CDKL5: variants seen among roughly 807,000 people sequenced by gnomAD.
CDKL5 encodes the protein cyclin-dependent kinase-like 5.
Under a neutral mutation model 61.7 loss-of-function variants are expected in CDKL5, and 8 were observed. The observed-to-expected ratio is 0.13, with a 90% CI of 0.08 to 0.23. The LOEUF (loss-of-function observed/expected upper bound fraction) is 0.23. CDKL5 is among the 10% of genes least tolerant of loss of function. CDKL5 has a pLI of 1.00. For missense variants in CDKL5, 440 were observed against 734.5 expected (o/e 0.60, Z 4.63); for synonymous variants, 275 against 272.3 (o/e 1.01, Z -0.10).
intron 1 of CDKL5, among the ~76,000 whole-genome samples, chrX:18,471,353 T>C (rs1186133771): frequency 1.8e-5 from 2 of 111,474 alleles, no homozygotes; most frequent in Non-Finnish European, 3.8e-5. Context: ...ACTCTTTTAG[T>C]TATTTTTAAT....
At position 18,587,955 on chromosome X, in the gene CDKL5, G is replaced by T; in HGVS notation, c.556G>T (p.Ala186Ser). 8.3e-7 allele frequency: 1 copy of T among 1,206,527 alleles called. No homozygotes were observed. Among genetic ancestry groups the T allele is most frequent in the Non-Finnish European group, 1.1e-6 (1 of 891,326 alleles). ...ATAATCTCTTCCTTTATTTTTCAGC[G>T]CTCCCTATGGAAAGTCCGTGGACAT... ...WYRSPELLLG[A>S]PYGKSVDMWS... The change falls in exon 9 of 18, where the codon GCT (alanine) becomes TCT (serine). Residue 186 changes from alanine (A) to serine (S), a missense_variant and splice_region_variant. Physicochemically the swap from Ala to Ser is moderately conservative, Grantham distance 99 (BLOSUM62 1). Transcript: ENST00000623535.
chrX:18,481,886 A>G (rs1921594148), intron 1 of CDKL5, among the ~76,000 whole-genome samples: 1 of 110,519 alleles, frequency 9.0e-6, no homozygotes, highest in South Asian at 3.8e-4. Context: ...TGCAACATGA[A>G]ACAGAGGCTG....
intron 8 of CDKL5, among the ~76,000 whole-genome samples, chrX:18,586,450 CTTA>C (rs1375811333): frequency 6.3e-5 from 7 of 111,537 alleles, no homozygotes; most frequent in African/African-American, 2.3e-4. Context: ...TGAGGACAGC[CTTA>C]TTGTGAATCT....
At chrX:18,557,104 G>A (rs1160625259) in intron 3 of CDKL5, among the ~76,000 whole-genome samples, 3 of 110,946 alleles carry the variant, frequency 2.7e-5, no homozygotes, top group South Asian at 3.8e-4. Context: ...TTTCTCCCAA[G>A]AAAGCACTTC....
At chrX:18,558,143 A>T (rs1011801611) in intron 3 of CDKL5, among the ~76,000 whole-genome samples, 5 of 111,395 alleles carry the variant, frequency 4.5e-5, no homozygotes, top group African/African-American at 1.6e-4. Flanking sequence ...ATTTTAAGGT[A>T]GAATTAAGGG....
Position 18,584,290 on chromosome X carries a change from A to G in CDKL5, c.491A>G (p.Asn164Ser). ...FGFARNLSEG[N>S]NANYTEYVAT... ...TTTGCTCGTAATCTGTCAGAAGGCA[A>G]TAATGCTAATTACACAGAGTACGTT... Residue 164 changes from asparagine to serine, a missense_variant, in exon 8 of 18, where the codon AAT becomes AGT. This residue lies in a region of CDKL5 where 77 missense variants were observed against 218.2 expected (regional missense o/e 0.35). Transcript: ENST00000623535. 8.3e-7 allele frequency: 1 copy of G among 1,205,471 alleles called. No homozygotes were observed.
At chrX:18,465,785 G>T (rs1247479785) in intron 1 of CDKL5, among the ~76,000 whole-genome samples, 1 of 112,218 alleles carries the variant, frequency 8.9e-6, no homozygotes. Flanking sequence ...CATCTTTACA[G>T]TGTTAAATTT....
chrX:18,467,511 A>T (rs1053591340), intron 1 of CDKL5, among the ~76,000 whole-genome samples: 1 of 111,712 alleles, frequency 9.0e-6, no homozygotes, highest in Non-Finnish European at 1.9e-5. Flanking sequence ...CTTTTCAAAC[A>T]TGGTGCTGTC....
At position 18,489,013 on chromosome X, in the gene CDKL5, G is replaced by A. The variant is rs1022231352; in HGVS notation, c.-162-17922G>A. On this transcript the variant is annotated intron_variant, in intron 1 of 17. Transcript: ENST00000623535. ...ATTTCTCTATTTTGAAATGGCCCTG[G>A]CAAAGCTGTCTCTCATGGGGAAAAA... Among the ~76,000 whole-genome samples the A allele has an allele frequency of 6.3e-5, 7 of 111,586 alleles. No individual in the cohort carries two copies. In the East Asian group the frequency reaches 2.0e-3, roughly 31 times the overall value.
intron 1 of CDKL5, among the ~76,000 whole-genome samples, chrX:18,481,316 C>G (rs1342007428): frequency 1.1e-5 from 1 of 93,560 alleles, no homozygotes; most frequent in Non-Finnish European, 2.1e-5. Context: ...ACCAAAGAGT[C>G]CTGGTTTCTT....
chrX:18,507,446 CT>C (rs200439467), intron 2 of CDKL5, among the ~76,000 whole-genome samples: 92 of 72,339 alleles, frequency 1.3e-3, no homozygotes, highest in Middle Eastern at 8.2e-3. Flanking sequence ...TGCCTTCATT[CT>C]TTTTTTTTTT....
chrX:18,613,818 AG>A (rs776544304), intron 15 of CDKL5, among the ~76,000 whole-genome samples: 2 of 112,087 alleles, frequency 1.8e-5, no homozygotes, highest in South Asian at 7.5e-4. Flanking sequence ...AAAAAGAAAT[AG>A]GGGAACAGTC....
chrX:18,430,692 G>A (rs1000841286), intron 1 of CDKL5, among the ~76,000 whole-genome samples: 2 of 110,017 alleles, frequency 1.8e-5, no homozygotes, highest in East Asian at 5.7e-4. Flanking sequence ...CAGTCCCCCC[G>A]CTTCAGCCTC....
At chrX:18,561,435 TAA>T (rs202243682) in intron 3 of CDKL5, among the ~76,000 whole-genome samples, 1 of 96,488 alleles carries the variant, frequency 1.0e-5, no homozygotes, top group Non-Finnish European at 2.1e-5. Context: ...ACTGAATATG[TAA>T]AAAAAAAAAA....
intron 15 of CDKL5, among the ~76,000 whole-genome samples, chrX:18,618,543 C>G (rs1294471876): frequency 8.9e-6 from 1 of 112,131 alleles, no homozygotes; most frequent in African/African-American, 3.2e-5. Context: ...TCTTTAAGCC[C>G]CATGCAAGAG....
intron 9 of CDKL5, chrX:18,589,324 T>C (rs1391472839): frequency 9.1e-6 from 1 of 110,133 alleles, no homozygotes; most frequent in Admixed American, 9.7e-5. Flanking sequence ...CAGTGTGTGA[T>C]GTTCCCCATC....
At chrX:18,542,898 C>T (rs1044094139) in intron 3 of CDKL5, among the ~76,000 whole-genome samples, 2 of 110,956 alleles carry the variant, frequency 1.8e-5, no homozygotes, top group African/African-American at 6.6e-5. Context: ...CCACCAACAC[C>T]TCCCCAGTGA....
intron 2 of CDKL5, among the ~76,000 whole-genome samples, chrX:18,508,397 C>G (rs180731071): frequency 2.6e-4 from 29 of 112,373 alleles, no homozygotes; most frequent in African/African-American, 9.4e-4. Context: ...TGTTCCTTCA[C>G]TAGTCAACTC....
At chrX:18,561,985 C>A (rs1338234810) in intron 3 of CDKL5, among the ~76,000 whole-genome samples, 3 of 111,457 alleles carry the variant, frequency 2.7e-5, no homozygotes, top group Non-Finnish European at 5.7e-5. Context: ...TATTCAACAA[C>A]AACAAAACTC....
Sources: allele counts gnomAD v4.1 joint callset (sites outside exome capture counted in the v4.1 genomes callset), GRCh38; gene constraint gnomAD v4.1.1; regional missense constraint gnomAD v4.1.1; transcripts MANE v1.5; gene names NCBI Gene and HGNC (gene_info 2026-07-23, HGNC 2026-07-21).